PTPRK: variants seen among roughly 807,000 people sequenced by gnomAD.
PTPRK encodes receptor-type tyrosine-protein phosphatase kappa.
Under a neutral mutation model 178.0 loss-of-function variants are expected in PTPRK, and 75 were observed. The ratio of observed to expected loss-of-function variants is 0.42; its 90% CI spans 0.35 to 0.51. The LOEUF (loss-of-function observed/expected upper bound fraction) is 0.51. Among genes scored for constraint, PTPRK ranks in the 20% least tolerant of loss-of-function variants. The pLI is 0.02. For missense variants in PTPRK, 1,441 were observed against 1,797.8 expected, an observed-to-expected ratio of 0.80 and a Z score of 3.59; for synonymous variants, 637 against 620.6, an observed-to-expected ratio of 1.03 and a Z score of -0.39.
At chr6:128,020,812 T>C (rs1303206208) in intron 13 of PTPRK, among the ~76,000 whole-genome samples, 1 of 152,208 alleles carries the variant, frequency 6.6e-6, no homozygotes, top group Non-Finnish European at 1.5e-5. Flanking sequence ...TTTGGGATGC[T>C]TTTAGTTATG....
At chr6:128,065,614 T>A (rs1781612284) in intron 12 of PTPRK, among the ~76,000 whole-genome samples, 1 of 152,184 alleles carries the variant, frequency 6.6e-6, no homozygotes, top group Admixed American at 6.6e-5. Context: ...TATAACTCTA[T>A]CTTGAGTAGT....
intron 1 of PTPRK, chr6:128,518,846 G>A: frequency 2.7e-6 from 1 of 366,758 alleles, no homozygotes; most frequent in Non-Finnish European, 5.4e-6. Flanking sequence ...GCTGCCACCT[G>A]AATCTGTTGT....
chr6:128,279,834 A>G (rs923632851), intron 3 of PTPRK, among the ~76,000 whole-genome samples: 3 of 152,196 alleles, frequency 2.0e-5, no homozygotes, highest in African/African-American at 7.2e-5. Context: ...CCTTATTATT[A>G]ACAACTCCTC....
chr6:128,152,363 AC>A (rs1472666115), intron 7 of PTPRK, among the ~76,000 whole-genome samples: 1 of 152,058 alleles, frequency 6.6e-6, no homozygotes, highest in African/African-American at 2.4e-5. Flanking sequence ...GAGCACAGTG[AC>A]AGGACTTCAG....
chr6:127,974,594 C>G (rs1324153068), intron 27 of PTPRK, among the ~76,000 whole-genome samples: 4 of 152,078 alleles, frequency 2.6e-5, no homozygotes, highest in Non-Finnish European at 5.9e-5. Context: ...TTACATCAAC[C>G]CCCAACTAAT....
At chr6:128,493,785 C>T (rs1854253445) in intron 1 of PTPRK, among the ~76,000 whole-genome samples, 2 of 152,198 alleles carry the variant, frequency 1.3e-5, no homozygotes, top group South Asian at 2.1e-4. Context: ...ACTTTTCCTC[C>T]ATCTCTTCAT....
At chr6:128,064,216 C>A (rs1781367244) in intron 13 of PTPRK, among the ~76,000 whole-genome samples, 2 of 152,122 alleles carry the variant, frequency 1.3e-5, no homozygotes, top group South Asian at 2.1e-4. Context: ...CCATAATATG[C>A]CAGGTCAGCA....
chr6:128,265,411 T>C (rs1818798314), intron 3 of PTPRK, among the ~76,000 whole-genome samples: 1 of 152,172 alleles, frequency 6.6e-6, no homozygotes, highest in African/African-American at 2.4e-5. Flanking sequence ...ACATAGATAA[T>C]ACTGATCATG....
chr6:128,216,361 C>T (rs1410659612), intron 6 of PTPRK, among the ~76,000 whole-genome samples: 3 of 151,730 alleles, frequency 2.0e-5, no homozygotes, highest in Non-Finnish European at 4.4e-5. Context: ...ATGGAGAAAC[C>T]CCCTCTCTAT....
intron 1 of PTPRK, among the ~76,000 whole-genome samples, chr6:128,460,296 C>A (rs1848889855): frequency 6.6e-6 from 1 of 152,036 alleles, no homozygotes; most frequent in Admixed American, 6.6e-5. Flanking sequence ...GTAATCCCAG[C>A]ACTTTGGAAG....
intron 1 of PTPRK, among the ~76,000 whole-genome samples, chr6:128,479,881 C>A (rs946630684): frequency 6.6e-6 from 1 of 152,080 alleles, no homozygotes; most frequent in Non-Finnish European, 1.5e-5. Flanking sequence ...AAAATTATTT[C>A]TTTCACTTCA....
rs1786569572 is a variant in PTPRK, at chr6:128,089,605, T to C, written c.1465+85A>G. The stretch of plus-strand genomic sequence containing the variant: ...ATGATTTCAGAATCCAATTCAGTAT[T>C]GGACAATCTTAGGAAAATCTTAAAG... On this transcript the variant is annotated intron_variant, in intron 8 of 29. Transcript: ENST00000368226. The C allele has an allele frequency of 2.2e-6, 3 of 1,335,916 alleles. No homozygotes were observed. The African/African-American group carries it at 4.4e-5, about 19-fold the overall frequency. 82.8% of individuals were successfully genotyped at this position (1,335,916 alleles called of 1,614,324 possible). A position where few individuals can be genotyped will look rare whatever the true frequency, so the allele number is the denominator to read the frequency against.
At chr6:128,296,536 C>G (rs893966344) in intron 3 of PTPRK, among the ~76,000 whole-genome samples, 2 of 152,174 alleles carry the variant, frequency 1.3e-5, no homozygotes, top group South Asian at 2.1e-4. Flanking sequence ...TTGGCAGAAA[C>G]TCTACAAGCC....
chr6:128,469,518 A>G (rs1308395001), intron 1 of PTPRK, among the ~76,000 whole-genome samples: 1 of 152,182 alleles, frequency 6.6e-6, no homozygotes, highest in Non-Finnish European at 1.5e-5. Flanking sequence ...GAGTAAAACA[A>G]TCAAGTTAAC....
At position 127,990,773 on chromosome 6, in the gene PTPRK, T is replaced by C; in HGVS notation, c.3092A>G (p.Glu1031Gly). 1 of 1,583,576 alleles carries C rather than the reference T, an allele frequency of 6.3e-7. No homozygotes were observed. Among genetic ancestry groups the C allele is most frequent in the Non-Finnish European group, 8.7e-7 (1 of 1,153,138 alleles). Residue 1031 changes from glutamate to glycine, a missense_variant, in exon 21 of 30, where the codon GAA becomes GGA. Glu to Gly is a moderately conservative substitution (Grantham distance 98, BLOSUM62 -2). Around this residue, in one of 4 missense-constraint regions of PTPRK, gnomAD observed 945 missense variants for 1,080.6 expected, o/e 0.87. Transcript: ENST00000368226. ...AEYVVRTFTLERRGYNEIREV... is the reference protein window; with the variant it reads ...AEYVVRTFTLGRRGYNEIREV... ...ATAGAATTTTAGAGTACTTACCCTT[T>C]CCAGGGTGAATGTCCTAACTACATA...
chr6:128,160,777 T>C (rs1175000904), intron 7 of PTPRK, among the ~76,000 whole-genome samples: 2 of 151,432 alleles, frequency 1.3e-5, no homozygotes, highest in South Asian at 2.1e-4. Context: ...TATTTTAATA[T>C]AAATTTATAT....
At chr6:128,209,913 A>G (rs1374413763) in intron 6 of PTPRK, among the ~76,000 whole-genome samples, 1 of 152,158 alleles carries the variant, frequency 6.6e-6, no homozygotes, top group African/African-American at 2.4e-5. Context: ...CCTAGGAGCA[A>G]GCAGGGCCTT....
chr6:127,976,649 T>A lies in PTPRK; in HGVS notation c.3969+8A>T. The A allele has an allele frequency of 6.2e-7, 1 of 1,614,044 alleles. No homozygotes were observed. Among genetic ancestry groups the A allele is most frequent in the East Asian group, 2.2e-5 (1 of 44,860 alleles). ...TAGATCAGCTCAAAGGATCCGATAG[T>A]GACTTACTCTTGTTAGATTGCATAT... On this transcript the variant is annotated splice_region_variant and intron_variant, in intron 27 of 29. Coordinates refer to ENST00000368226, the MANE Select transcript of PTPRK (RefSeq NM_002844.4).
At chr6:128,216,257 C>A (rs1809264802) in intron 6 of PTPRK, among the ~76,000 whole-genome samples, 1 of 151,942 alleles carries the variant, frequency 6.6e-6, no homozygotes, top group Non-Finnish European at 1.5e-5. Context: ...AAAAATAAGG[C>A]CGGGAGTGGT....
Sources: gnomAD v4.1 joint callset for allele counts (sites outside exome capture counted in the v4.1 genomes callset) on GRCh38, gnomAD v4.1.1 for gene constraint, gnomAD v4.1.1 regional missense constraint, MANE v1.5 for transcripts, NCBI Gene and HGNC (gene_info 2026-07-23, HGNC 2026-07-21) for gene names.